Variants in SUGCT observed in about 807,000 individuals in gnomAD.
SUGCT encodes succinyl-CoA:glutarate-CoA transferase, also known as succinyl-CoA:glutarate CoA-transferase.
In SUGCT, 41 loss-of-function variants were observed where a neutral mutation model predicts 55.0. The ratio of observed to expected loss-of-function variants is 0.74; its 90% CI spans 0.58 to 0.97. The LOEUF (loss-of-function observed/expected upper bound fraction) is 0.97. Among genes scored for constraint, SUGCT ranks in the 50% least tolerant of loss-of-function variants. The pLI, the probability that SUGCT is intolerant of heterozygous loss-of-function variation, is 0.00. For missense variants in SUGCT, 568 were observed against 547.8 expected, an observed-to-expected ratio of 1.04 and a Z score of -0.37; for synonymous variants, 187 against 200.4, an observed-to-expected ratio of 0.93 and a Z score of 0.56.
At chr7:40,443,295 C>T (rs990404134) in intron 9 of SUGCT, among the ~76,000 whole-genome samples, 67 of 152,284 alleles carry the variant, frequency 4.4e-4, no homozygotes, top group African/African-American at 1.5e-3. Flanking sequence ...GAGGAATCAC[C>T]ACCCTGTCTT....
chr7:40,262,991 C>T (rs1279713566), intron 7 of SUGCT, among the ~76,000 whole-genome samples: 4 of 152,184 alleles, frequency 2.6e-5, no homozygotes, highest in African/African-American at 7.2e-5. Context: ...GGTGCCATCT[C>T]AGCTCACTGC....
chr7:40,245,455 T>A (rs1476159988), intron 7 of SUGCT, among the ~76,000 whole-genome samples: 2 of 98,548 alleles, frequency 2.0e-5, no homozygotes, highest in Non-Finnish European at 4.0e-5. Context: ...TTTTTTTTTT[T>A]TTGAGATGGA....
At chr7:40,796,761 T>C (rs938498595) in intron 13 of SUGCT, among the ~76,000 whole-genome samples, 6 of 152,310 alleles carry the variant, frequency 3.9e-5, no homozygotes, top group African/African-American at 1.4e-4. Flanking sequence ...TTGCATCTTT[T>C]TATGTCTTAG....
At chr7:40,188,344 G>C (rs980544369) in intron 3 of SUGCT, 151 bp from the exon 4 acceptor site, 6 of 555,344 alleles carry the variant, frequency 1.1e-5, no homozygotes, top group Non-Finnish European at 1.9e-5. Context: ...TGAGGCAGGA[G>C]AATTACCCGA....
chr7:40,593,892 G>A (rs959356609), intron 12 of SUGCT, among the ~76,000 whole-genome samples: 1 of 152,058 alleles, frequency 6.6e-6, no homozygotes, highest in African/African-American at 2.4e-5. Flanking sequence ...AAAATATGAT[G>A]TAATTCACAA....
Position 40,756,452 on chromosome 7 carries a change from A to G in SUGCT, c.1153+6955A>G, listed in dbSNP as rs113239717. Among the ~76,000 whole-genome samples, 540 of 152,260 alleles carry G rather than the reference A, an allele frequency of 3.5e-3. 2 individuals carry two copies. The highest frequency in any genetic ancestry group is 0.012 in the African/African-American group (488 of 41,548). On this transcript the variant is annotated intron_variant, in intron 13 of 13. Coordinates refer to ENST00000335693, the MANE Select transcript of SUGCT (RefSeq NM_001193313.2). ...ACATTAAATGGAGTAACTGCCTTGT[A>G]TTTTCCATGCATTACAACTCTGCCT...
chr7:40,391,242 A>G (rs112254401), intron 9 of SUGCT, among the ~76,000 whole-genome samples: 3,384 of 152,330 alleles, frequency 0.022, 130 homozygotes, highest in African/African-American at 0.076. Context: ...TCATGACTAA[A>G]ACACCAAAAG....
rs977333801 is a variant in SUGCT at position 40,208,007 on chromosome 7, A to T, written c.484+12947A>T. On this transcript the variant is annotated intron_variant, in intron 6 of 13. Transcript: ENST00000335693. ...TAATGATGGAATATTATTCAGCCTTAAAAAGGCGGGGAATTCTGACACATG... is the reference window on the plus strand; with the variant it reads ...TAATGATGGAATATTATTCAGCCTTTAAAAGGCGGGGAATTCTGACACATG... 2.0e-5 allele frequency among the ~76,000 whole-genome samples: 3 copies of T among 152,304 alleles called. No homozygotes were observed. The East Asian group carries it at 5.8e-4, about 29-fold the overall frequency.
chr7:40,843,906 G>A (rs995450981), intron 13 of SUGCT, among the ~76,000 whole-genome samples: 14 of 152,158 alleles, frequency 9.2e-5, no homozygotes, highest in African/African-American at 3.1e-4. Context: ...CAGGCAGGGA[G>A]AGCTGGTAGT....
intron 9 of SUGCT, among the ~76,000 whole-genome samples, chr7:40,372,062 G>T (rs903065915): frequency 6.6e-6 from 1 of 151,738 alleles, no homozygotes; most frequent in Non-Finnish European, 1.5e-5. Context: ...TGAGAGCCAG[G>T]GTTGTCTGTG....
chr7:40,276,956 G>T (rs759872446), intron 8 of SUGCT, among the ~76,000 whole-genome samples: 11 of 152,254 alleles, frequency 7.2e-5, no homozygotes, highest in Non-Finnish European at 1.5e-4. Flanking sequence ...TCAAAGATTG[G>T]CTTTTCCAAT....
the SUGCT span, among the ~76,000 whole-genome samples, chr7:40,969,402 C>T: frequency 1.3e-5 from 2 of 152,136 alleles, no homozygotes; most frequent in Admixed American, 6.5e-5. Flanking sequence ...GCTCTATTGC[C>T]CAGCCTGGAG....
At chr7:40,572,260 A>G (rs993101209) in intron 12 of SUGCT, among the ~76,000 whole-genome samples, 1 of 152,196 alleles carries the variant, frequency 6.6e-6, no homozygotes, top group East Asian at 1.9e-4. Flanking sequence ...CAGGGGGGAA[A>G]AAGAAAATTT....
At chr7:40,988,684 TTGAGAA>T in the SUGCT span, among the ~76,000 whole-genome samples, 4 of 152,160 alleles carry the variant, frequency 2.6e-5, no homozygotes, top group East Asian at 7.7e-4. Flanking sequence ...AATCAAAAGA[TTGAGAA>T]AAGCGTTAAA....
intron 12 of SUGCT, among the ~76,000 whole-genome samples, chr7:40,534,877 G>A (rs1428004006): frequency 6.6e-6 from 1 of 152,062 alleles, no homozygotes; most frequent in African/African-American, 2.4e-5. Context: ...CTTAACATAT[G>A]TTTATAACTT....
Position 40,301,357 on chromosome 7 carries a change from T to C in SUGCT, c.721-15403T>C, listed in dbSNP as rs567174853. On this transcript the variant is annotated intron_variant, in intron 8 of 13. Coordinates refer to ENST00000335693, the MANE Select transcript of SUGCT (RefSeq NM_001193313.2). The stretch of plus-strand genomic sequence containing the variant: ...ATGTGTTTTCTCTCACTTGCTATTC[T>C]TCAGATTGTTTTTTAAATCACTGAG... Among the ~76,000 whole-genome samples, 9 of 152,360 alleles carry C rather than the reference T, an allele frequency of 5.9e-5. No individual in the cohort carries two copies. In the South Asian group the frequency reaches 1.9e-3, roughly 32 times the overall value.
intron 6 of SUGCT, among the ~76,000 whole-genome samples, chr7:40,209,568 G>A (rs1392821517): frequency 6.6e-6 from 1 of 152,068 alleles, no homozygotes; most frequent in African/African-American, 2.4e-5. Flanking sequence ...AGGCCAAGGC[G>A]GCTGAATCAC....
Position 40,516,856 on chromosome 7 carries a change from C to T in SUGCT, c.1089+20470C>T, listed in dbSNP as rs557502938. Among the ~76,000 whole-genome samples, 5 of 151,966 alleles carry T rather than the reference C, an allele frequency of 3.3e-5. No homozygotes were observed. The South Asian group carries it at 1.0e-3, about 32-fold the overall frequency. ...AATTTTTGGAAAACCTTGGCAATTT[C>T]TTGTAAGAATCCAGCTGGGATTTTG... On this transcript the variant is annotated intron_variant, in intron 12 of 13. Coordinates refer to ENST00000335693, the MANE Select transcript of SUGCT (RefSeq NM_001193313.2).
chr7:40,581,417 C>G (rs186388740), intron 12 of SUGCT, among the ~76,000 whole-genome samples: 159 of 152,216 alleles, frequency 1.0e-3, no homozygotes, highest in Non-Finnish European at 1.1e-3. Context: ...AATCTGCAAA[C>G]TTGACATACC....
Sources: allele counts gnomAD v4.1 joint callset (sites outside exome capture counted in the v4.1 genomes callset), GRCh38; gene constraint gnomAD v4.1.1; transcripts MANE v1.5; gene names NCBI Gene and HGNC (gene_info 2026-07-23, HGNC 2026-07-21).